The following DIP2C variants were observed in gnomAD, a reference collection of about 807,000 sequenced individuals.
DIP2C encodes DIP2 acetate--CoA ligase C (putative).
A neutral mutation model predicts 192.4 loss-of-function variants in DIP2C; 33 were observed. The observed-to-expected ratio is 0.17, with a 90% CI of 0.13 to 0.23. The LOEUF (loss-of-function observed/expected upper bound fraction) is 0.23, where lower values mean the gene tolerates loss of function less well. DIP2C is among the 10% of genes least tolerant of loss of function. The pLI is 1.00. For missense variants in DIP2C, 1,537 were observed against 2,110.1 expected, an observed-to-expected ratio of 0.73 and a Z score of 5.32; for synonymous variants, 979 against 864.1, an observed-to-expected ratio of 1.13 and a Z score of -2.33.
chr10:629,333 C>T (rs1426850393), intron 1 of DIP2C, among the ~76,000 whole-genome samples: 2 of 152,138 alleles, frequency 1.3e-5, no homozygotes, highest in Admixed American at 6.5e-5. Flanking sequence ...AACTCCAAAG[C>T]GGGCGATCTT....
intron 1 of DIP2C, among the ~76,000 whole-genome samples, chr10:543,793 A>G (rs937070617): frequency 6.6e-6 from 1 of 152,270 alleles, no homozygotes; most frequent in Admixed American, 6.5e-5. Flanking sequence ...ATTAAAGGGT[A>G]CAATTCAGTC....
At chr10:342,218 G>A (rs1485302314) in intron 28 of DIP2C, among the ~76,000 whole-genome samples, 2 of 151,972 alleles carry the variant, frequency 1.3e-5, no homozygotes, top group East Asian at 3.9e-4. Flanking sequence ...GAGTGCAGTG[G>A]TGCGATCTCC....
intron 1 of DIP2C, among the ~76,000 whole-genome samples, chr10:560,809 G>A (rs1199615440): frequency 6.6e-6 from 1 of 152,072 alleles, no homozygotes; most frequent in Non-Finnish European, 1.5e-5. Flanking sequence ...CATGATCGGT[G>A]GGGGGTGGGA....
chr10:536,683 G>C (rs1475564024), intron 1 of DIP2C, among the ~76,000 whole-genome samples: 2 of 152,180 alleles, frequency 1.3e-5, no homozygotes, highest in African/African-American at 2.4e-5. Context: ...GTGGAGGGGG[G>C]GCCATCCTGA....
intron 36 of DIP2C, among the ~76,000 whole-genome samples, chr10:278,171 C>T (rs1399810939): frequency 1.3e-5 from 2 of 151,722 alleles, no homozygotes; most frequent in Admixed American, 6.6e-5. Flanking sequence ...TGCTGAGGGC[C>T]GTGCGTGTGG....
intron 1 of DIP2C, among the ~76,000 whole-genome samples, chr10:531,017 C>A (rs1040927157): frequency 2.6e-5 from 4 of 151,966 alleles, no homozygotes; most frequent in Admixed American, 6.6e-5. Flanking sequence ...GCGTCGTGAG[C>A]ATCCTTTCCC....
Position 478,466 on chromosome 10 carries a change from T to C in DIP2C, c.158-5917A>G, listed in dbSNP as rs1480341752. On this transcript the variant is annotated intron_variant, in intron 2 of 36. Coordinates refer to ENST00000280886, the MANE Select transcript of DIP2C (RefSeq NM_014974.3). ...CCATCTTTTTCTCACTCATCTCATG[T>C]CCGGGCATGCCGGGGGTGCAGATGC... 3.3e-5 allele frequency among the ~76,000 whole-genome samples: 5 copies of C among 150,590 alleles called. No homozygotes were observed. In the South Asian group the frequency reaches 8.4e-4, roughly 25 times the overall value.
intron 9 of DIP2C, among the ~76,000 whole-genome samples, chr10:400,815 A>G (rs1221532107): frequency 1.3e-5 from 2 of 151,066 alleles, no homozygotes; most frequent in Admixed American, 1.3e-4. Flanking sequence ...TTCCTTATGA[A>G]CAAGTTTGGT....
At chr10:449,203 G>A (rs1037639000) in intron 3 of DIP2C, among the ~76,000 whole-genome samples, 2 of 152,134 alleles carry the variant, frequency 1.3e-5, no homozygotes, top group Admixed American at 6.6e-5. Context: ...CAGTGGGGCA[G>A]CAAGACCCAC....
Position 419,131 on chromosome 10 carries a change from G to T in DIP2C, c.673C>A (p.Gln225Lys). 1 of 1,614,264 alleles carries T rather than the reference G, an allele frequency of 6.2e-7. No individual in the cohort carries two copies. The highest frequency in any genetic ancestry group is 8.5e-7 in the Non-Finnish European group (1 of 1,180,048). The change falls in exon 6 of 37, where the codon CAG (glutamine) becomes AAG (lysine). Residue 225 changes from glutamine (Q) to lysine (K), a missense_variant. Physicochemically the swap from Gln to Lys is moderately conservative, Grantham distance 53. Around this residue, in one of 4 missense-constraint regions of DIP2C, gnomAD observed 473 missense variants for 539.6 expected, o/e 0.88. Transcript: ENST00000280886. ...SEHSIQVERP[Q>K]GSTGSRTAPK... Reference sequence around the variant, plus strand: ...GCTGTCCGGGACCCCGTGGAACCCTGCGGTCTCTCCACCTGTATCGAGTGC... The same window carrying T: ...GCTGTCCGGGACCCCGTGGAACCCTTCGGTCTCTCCACCTGTATCGAGTGC...
chr10:618,652 C>T (rs1020245722), intron 1 of DIP2C, among the ~76,000 whole-genome samples: 2 of 152,204 alleles, frequency 1.3e-5, no homozygotes, highest in African/African-American at 4.8e-5. Flanking sequence ...TTTTATGCAA[C>T]AAAGTTAAAA....
chr10:485,409 TCC>T (rs539701472), intron 2 of DIP2C, among the ~76,000 whole-genome samples: 140 of 152,220 alleles, frequency 9.2e-4, no homozygotes, highest in Non-Finnish European at 1.7e-3. Flanking sequence ...AGCCCTCTGC[TCC>T]CCTTCTCTCG....
chr10:488,883 G>A (rs899917185), intron 1 of DIP2C, among the ~76,000 whole-genome samples: 3 of 152,184 alleles, frequency 2.0e-5, no homozygotes, highest in Admixed American at 6.5e-5. Flanking sequence ...GGGTGCTCCT[G>A]CGTGTACCAC....
At chr10:304,308 TAC>T (rs1449890797) in intron 32 of DIP2C, among the ~76,000 whole-genome samples, 1 of 152,136 alleles carries the variant, frequency 6.6e-6, no homozygotes, top group African/African-American at 2.4e-5. Context: ...TCAGCTTCAT[TAC>T]AGTCTTACGG....
intron 1 of DIP2C, among the ~76,000 whole-genome samples, chr10:490,298 G>A (rs906173245): frequency 2.0e-5 from 3 of 152,212 alleles, no homozygotes; most frequent in African/African-American, 7.2e-5. Flanking sequence ...GTCCATCAGG[G>A]CATGTGGTCA....
At chr10:428,074 A>G (rs1319912862) in intron 4 of DIP2C, among the ~76,000 whole-genome samples, 1 of 152,232 alleles carries the variant, frequency 6.6e-6, no homozygotes. Context: ...TTCAACAATA[A>G]GAAGGAATAA....
At chr10:688,340 T>C (rs1463282974) in intron 1 of DIP2C, among the ~76,000 whole-genome samples, 3 of 152,058 alleles carry the variant, frequency 2.0e-5, no homozygotes, top group Non-Finnish European at 4.4e-5. Context: ...TCCCCAGAAG[T>C]CTGGAAAGGC....
chr10:677,681 T>G (rs1830921679), intron 1 of DIP2C, among the ~76,000 whole-genome samples: 1 of 152,242 alleles, frequency 6.6e-6, no homozygotes, highest in Non-Finnish European at 1.5e-5. Flanking sequence ...TGTCTCTGAT[T>G]TTTTTATTTA....
At chr10:578,524 C>A (rs7921637) in intron 1 of DIP2C, among the ~76,000 whole-genome samples, 4,484 of 152,320 alleles carry the variant, frequency 0.029, 228 homozygotes, top group African/African-American at 0.099. Context: ...GGAACACACA[C>A]ATCAAGGAAG....
Sources: allele counts gnomAD v4.1 joint callset (sites outside exome capture counted in the v4.1 genomes callset), GRCh38; gene constraint gnomAD v4.1.1; regional missense constraint gnomAD v4.1.1; transcripts MANE v1.5; gene names NCBI Gene and HGNC (gene_info 2026-07-23, HGNC 2026-07-21).